The following EMC2 variants were observed in gnomAD, a reference collection of about 807,000 sequenced individuals.
The protein encoded by EMC2 is TPR repeat protein 35.
Under a neutral mutation model 51.6 loss-of-function variants are expected in EMC2, and 37 were observed. That is an observed-to-expected ratio of 0.72 (90% CI 0.55 to 0.94). The LOEUF (loss-of-function observed/expected upper bound fraction) is 0.94. EMC2 is among the 40% of genes least tolerant of loss of function. EMC2 has a pLI of 0.00. For synonymous variants in EMC2, 131 were observed against 112.4 expected (o/e 1.17, Z -1.04); for missense variants, 359 against 350.9 (o/e 1.02, Z -0.18).
chr8:108,481,226 A>T (rs947747059), intron 10 of EMC2, among the ~76,000 whole-genome samples: 11 of 152,084 alleles, frequency 7.2e-5, no homozygotes, highest in African/African-American at 2.7e-4. Flanking sequence ...GGTTGGAGAA[A>T]ATTGAGAAGA....
rs532835291 is a variant in EMC2, at chr8:108,451,190, G to A, written c.219+698G>A. Among the ~76,000 whole-genome samples, 8 of 145,954 alleles carry A rather than the reference G, an allele frequency of 5.5e-5. No homozygotes were observed. The South Asian group carries it at 1.8e-3, about 33-fold the overall frequency. Reference sequence around the variant, plus strand: ...TGCACTCCAGCCTGGGCAACAGAGCGAGACTCTGTCTCAAAAAAAAAAAAG... The same window carrying A: ...TGCACTCCAGCCTGGGCAACAGAGCAAGACTCTGTCTCAAAAAAAAAAAAG... On this transcript the variant is annotated intron_variant, in intron 3 of 10. Coordinates refer to ENST00000220853, the MANE Select transcript of EMC2 (RefSeq NM_014673.5).
chr8:108,483,331 C>G (rs1425071697), intron 10 of EMC2, among the ~76,000 whole-genome samples: 1 of 152,128 alleles, frequency 6.6e-6, no homozygotes, highest in Non-Finnish European at 1.5e-5. Flanking sequence ...TACCAGCCCC[C>G]CACTCAAAAT....
chr8:108,486,117 GT>G (rs1239235648), intron 10 of EMC2, among the ~76,000 whole-genome samples: 1 of 151,862 alleles, frequency 6.6e-6, no homozygotes. Context: ...GTAAAAATCT[GT>G]TTAGACATCA....
chr8:108,485,244 A>C (rs1305659226), intron 10 of EMC2, among the ~76,000 whole-genome samples: 1 of 151,480 alleles, frequency 6.6e-6, no homozygotes, highest in Admixed American at 6.6e-5. Flanking sequence ...AAGACAAGAA[A>C]CACATCATAA....
chr8:108,473,542 A>G (rs981638367), intron 7 of EMC2, among the ~76,000 whole-genome samples: 4 of 152,102 alleles, frequency 2.6e-5, no homozygotes, highest in African/African-American at 9.7e-5. Flanking sequence ...ACATTATGAA[A>G]GACAAATTTT....
chr8:108,451,425 A>G lies in EMC2; in HGVS notation c.219+933A>G, dbSNP rs531771760. On this transcript the variant is annotated intron_variant, in intron 3 of 10. Coordinates refer to ENST00000220853, the MANE Select transcript of EMC2 (RefSeq NM_014673.5). ...AGAGGCATCTGTTAATGTTGTTCCT[A>G]TCATCTTGAATTCTTAAGTACCGCT... Among the ~76,000 whole-genome samples the G allele has an allele frequency of 8.5e-5, 13 of 152,254 alleles. No individual in the cohort carries two copies. The South Asian group carries it at 1.2e-3, about 15-fold the overall frequency.
At chr8:108,466,860 C>T (rs893687889) in intron 5 of EMC2, among the ~76,000 whole-genome samples, 2 of 151,970 alleles carry the variant, frequency 1.3e-5, no homozygotes, top group Admixed American at 6.6e-5. Context: ...TCATTCAAAA[C>T]CTAGGGTTTT....
At chr8:108,457,343 T>C (rs947225136) in intron 5 of EMC2, among the ~76,000 whole-genome samples, 1 of 106,902 alleles carries the variant, frequency 9.4e-6, no homozygotes, top group East Asian at 2.0e-4. Context: ...TGTGTGTGTG[T>C]GTGTGTGTGT....
chr8:108,444,810 C>T (rs752965773), intron 1 of EMC2, among the ~76,000 whole-genome samples: 2 of 152,096 alleles, frequency 1.3e-5, no homozygotes, highest in Non-Finnish European at 1.5e-5. Context: ...GTGTTGATTT[C>T]TTACTGCAAA....
At chr8:108,471,421 T>TCC (rs1366348017) in intron 7 of EMC2, among the ~76,000 whole-genome samples, 1 of 151,800 alleles carries the variant, frequency 6.6e-6, no homozygotes, top group African/African-American at 2.4e-5. Context: ...TTTTTCAAGT[T>TCC]AAAGGAATAC....
chr8:108,450,543 C>T (rs772132488), intron 3 of EMC2, 51 bp downstream of exon 3: 8 of 1,080,064 alleles, frequency 7.4e-6, no homozygotes, highest in Admixed American at 3.4e-5. Flanking sequence ...AATTGTATAC[C>T]GTAGTTAAGA....
intron 1 of EMC2, among the ~76,000 whole-genome samples, chr8:108,447,517 C>T (rs967986961): frequency 3.3e-5 from 5 of 151,810 alleles, no homozygotes; most frequent in African/African-American, 4.8e-5. Flanking sequence ...GTGGTATTTC[C>T]GAATATATAA....
intron 10 of EMC2, among the ~76,000 whole-genome samples, chr8:108,480,190 A>T (rs1811021253): frequency 1.3e-5 from 2 of 152,028 alleles, no homozygotes; most frequent in South Asian, 4.1e-4. Context: ...TTTCAGTAAT[A>T]CGTGTATTAG....
At chr8:108,444,271 A>G (rs1406242805) in intron 1 of EMC2, among the ~76,000 whole-genome samples, 1 of 152,190 alleles carries the variant, frequency 6.6e-6, no homozygotes, top group African/African-American at 2.4e-5. Flanking sequence ...ACATTTACAC[A>G]CACAACACAA....
At chr8:108,470,903 T>G (rs559038375) in intron 7 of EMC2, 1 of 152,132 alleles carries the variant, frequency 6.6e-6, no homozygotes, top group South Asian at 2.1e-4. Context: ...ATATTTAACC[T>G]TGTTCTCATA....
chr8:108,451,859 A>T (rs898950583), intron 3 of EMC2, among the ~76,000 whole-genome samples: 1 of 152,238 alleles, frequency 6.6e-6, no homozygotes, highest in Non-Finnish European at 1.5e-5. Context: ...ACCAAGTAAT[A>T]TGATTTTGCT....
chr8:108,473,527 C>T (rs1423610267), intron 7 of EMC2, among the ~76,000 whole-genome samples: 1 of 152,030 alleles, frequency 6.6e-6, no homozygotes, highest in African/African-American at 2.4e-5. Context: ...AGCAAAAATA[C>T]ATTCACATTA....
intron 1 of EMC2, among the ~76,000 whole-genome samples, chr8:108,447,807 G>A (rs1818914220): frequency 6.6e-6 from 1 of 152,150 alleles, no homozygotes; most frequent in African/African-American, 2.4e-5. Context: ...CCTTGGCTTT[G>A]AGGAGCGAGC....
rs577913991 is a variant in EMC2, at chr8:108,448,850, CT to C, written c.41-964del. On this transcript the variant is annotated intron_variant, in intron 1 of 10. Coordinates refer to ENST00000220853, the MANE Select transcript of EMC2 (RefSeq NM_014673.5). The stretch of plus-strand genomic sequence containing the variant: ...ATAAAATTTAAAATTCTAGTGGTTT[CT>C]TTTTTTTTGCACCAGAATGATTTTC... Among the ~76,000 whole-genome samples the C allele has an allele frequency of 1.3e-4, 19 of 150,650 alleles. No homozygotes were observed. In the East Asian group the frequency reaches 2.9e-3, roughly 23 times the overall value.
Sources: allele counts gnomAD v4.1 joint callset (sites outside exome capture counted in the v4.1 genomes callset), GRCh38; gene constraint gnomAD v4.1.1; transcripts MANE v1.5; gene names NCBI Gene and HGNC (gene_info 2026-07-23, HGNC 2026-07-21).